FAHD2A: variants seen among roughly 807,000 people sequenced by gnomAD.
FAHD2A encodes oxaloacetate tautomerase FAHD2A, mitochondrial.
Under a neutral mutation model 33.4 loss-of-function variants are expected in FAHD2A, and 27 were observed. That is an observed-to-expected ratio of 0.81 (90% confidence interval 0.60 to 1.11). The LOEUF (loss-of-function observed/expected upper bound fraction) is 1.11. FAHD2A is among the 50% of genes most tolerant of loss of function. The probability of loss-of-function intolerance (pLI) is 0.00; values close to 1 mark genes in which losing one functional copy is unlikely to be tolerated. For missense variants in FAHD2A, 296 were observed against 395.0 expected, an observed-to-expected ratio of 0.75 and a Z score of 2.12; for synonymous variants, 130 against 153.3, an observed-to-expected ratio of 0.85 and a Z score of 1.12.
At chr2:95,404,287 C>A (rs924574530) in intron 1 of FAHD2A, among the ~76,000 whole-genome samples, 9 of 152,002 alleles carry the variant, frequency 5.9e-5, no homozygotes, top group Admixed American at 3.3e-4. Context: ...GGATCTGAGC[C>A]CTGAGGATTT....
downstream of FAHD2A, among the ~76,000 whole-genome samples, chr2:95,418,226 A>T (rs554985042): frequency 6.6e-6 from 1 of 151,906 alleles, no homozygotes; most frequent in African/African-American, 2.4e-5. Flanking sequence ...AAATGGATAG[A>T]TGGTAGTATG....
intron 1 of FAHD2A, among the ~76,000 whole-genome samples, chr2:95,404,537 C>T (rs1191135807): frequency 3.9e-5 from 6 of 152,116 alleles, no homozygotes; most frequent in Non-Finnish European, 1.5e-5. Flanking sequence ...TCAAGTGATC[C>T]ACCCACCTCG....
chr2:95,405,065 G>A (rs1681312039), intron 1 of FAHD2A, among the ~76,000 whole-genome samples: 3 of 152,164 alleles, frequency 2.0e-5, no homozygotes, highest in Admixed American at 1.3e-4. Context: ...GCCCATGCTG[G>A]GCTGCCACCC....
In FAHD2A at chr2:95,413,123, A is replaced by G; in HGVS notation, c.*166A>G. On this transcript the variant is annotated 3_prime_UTR_variant, in exon 8 of 8. Coordinates refer to ENST00000233379, the MANE Select transcript of FAHD2A (RefSeq NM_016044.3). Reference sequence around the variant, plus strand: ...CTCTCTTCAATAAATTCGTCAGGTCAAAGCAGCAGCTTTGCTTCTGCTGTT... The same window carrying G: ...CTCTCTTCAATAAATTCGTCAGGTCGAAGCAGCAGCTTTGCTTCTGCTGTT... The G allele has an allele frequency of 8.4e-7, 1 of 1,194,514 alleles. No individual in the cohort carries two copies. The highest frequency in any genetic ancestry group is 1.5e-5 in the African/African-American group (1 of 64,920). 74.0% of individuals were successfully genotyped at this position (1,194,514 alleles called of 1,614,324 possible).
At position 95,414,602 on chromosome 2, in the gene FAHD2A, C is replaced by T; in HGVS notation, c.*1645C>T. 4.1e-6 allele frequency: 1 copy of T among 245,930 alleles called. No homozygotes were observed. The allele number at this position is 245,930 out of a possible 1,614,324, so 15.2% of individuals were successfully genotyped here. Reference sequence around the variant, plus strand: ...TGCTCCAGAATTCTACTTGGTGCCCCCCAACCCCACTCGACTCATTGTCCA... The same window carrying T: ...TGCTCCAGAATTCTACTTGGTGCCCTCCAACCCCACTCGACTCATTGTCCA... On this transcript the variant is annotated 3_prime_UTR_variant, in exon 8 of 8. Coordinates refer to ENST00000233379, the MANE Select transcript of FAHD2A (RefSeq NM_016044.3).
chr2:95,412,278 A>G (rs1181516936), intron 5 of FAHD2A, among the ~76,000 whole-genome samples, 156 bp from the exon 6 acceptor site: 1 of 152,034 alleles, frequency 6.6e-6, no homozygotes, highest in Non-Finnish European at 1.5e-5. Flanking sequence ...CAATGTCTAT[A>G]CAGAAAGTTC....
In FAHD2A at chr2:95,413,961, C is replaced by T. The variant is rs1405480593; in HGVS notation, c.*1004C>T. ...GATGGTGACACTGGCTCCTCTCACC[C>T]CTAGGTCTCTGAAGGTCCAGATAGC... On this transcript the variant is annotated 3_prime_UTR_variant, in exon 8 of 8. Coordinates refer to ENST00000233379, the MANE Select transcript of FAHD2A (RefSeq NM_016044.3). 7.4e-7 allele frequency: 1 copy of T among 1,354,850 alleles called. No individual in the cohort carries two copies. The highest frequency in any genetic ancestry group is 1.4e-5 in the African/African-American group (1 of 69,658). The allele number at this position is 1,354,850 out of a possible 1,614,324, so 83.9% of individuals were successfully genotyped here. A position where few individuals can be genotyped will look rare whatever the true frequency, so the allele number is the denominator to read the frequency against.
In FAHD2A at chr2:95,415,644, T is replaced by A. The variant is rs1039841192; in HGVS notation, c.*2687T>A. 2.0e-5 allele frequency: 3 copies of A among 152,724 alleles called. No homozygotes were observed. The highest frequency in any genetic ancestry group is 3.9e-4 in the East Asian group (2 of 5,178). 9.5% of individuals were successfully genotyped at this position (152,724 alleles called of 1,614,324 possible). On this transcript the variant is annotated 3_prime_UTR_variant, in exon 8 of 8. Coordinates refer to ENST00000233379, the MANE Select transcript of FAHD2A (RefSeq NM_016044.3). ...CTCGCCAGCCGTGCAGTCCTCACTCTCTTGCCCAGGTAAGCTGGGGAAGAG... is the reference window on the plus strand; with the variant it reads ...CTCGCCAGCCGTGCAGTCCTCACTCACTTGCCCAGGTAAGCTGGGGAAGAG...
Position 95,413,975 on chromosome 2 carries a change from G to C in FAHD2A, c.*1018G>C. ...CTCCTCTCACCCCTAGGTCTCTGAA[G>C]GTCCAGATAGCACTGATGGCAAGCT... On this transcript the variant is annotated 3_prime_UTR_variant, in exon 8 of 8. Coordinates refer to ENST00000233379, the MANE Select transcript of FAHD2A (RefSeq NM_016044.3). 3 of 1,394,296 alleles carry C rather than the reference G, an allele frequency of 2.2e-6. No individual in the cohort carries two copies. Among genetic ancestry groups the C allele is most frequent in the Non-Finnish European group, 3.1e-6 (3 of 981,052 alleles). 86.4% of individuals were successfully genotyped at this position (1,394,296 alleles called of 1,614,324 possible).
Position 95,413,475 on chromosome 2 carries a change from G to T in FAHD2A, c.*518G>T. On this transcript the variant is annotated 3_prime_UTR_variant, in exon 8 of 8. Coordinates refer to ENST00000233379, the MANE Select transcript of FAHD2A (RefSeq NM_016044.3). ...TCTAGCTACAAGTGAACTGCCGGATGAACTGTTCTAGTTTTTCCTGATTGT... is the reference window on the plus strand; with the variant it reads ...TCTAGCTACAAGTGAACTGCCGGATTAACTGTTCTAGTTTTTCCTGATTGT... The T allele has an allele frequency of 6.2e-7, 1 of 1,610,444 alleles. No individual in the cohort carries two copies. The highest frequency in any genetic ancestry group is 8.5e-7 in the Non-Finnish European group (1 of 1,179,350).
chr2:95,418,345 GCCC>G (rs957733300), downstream of FAHD2A, among the ~76,000 whole-genome samples: 3 of 151,914 alleles, frequency 2.0e-5, no homozygotes, highest in Non-Finnish European at 2.9e-5. Flanking sequence ...GGCAATACTT[GCCC>G]TGAGCTCAGG....
intron 1 of FAHD2A, 81 bp from the exon 2 acceptor site, chr2:95,405,472 G>A: frequency 6.5e-7 from 1 of 1,537,740 alleles, no homozygotes; most frequent in Non-Finnish European, 8.8e-7. Flanking sequence ...AGGGCCTCGG[G>A]CTATAGCCCT....
chr2:95,405,701 A>C lies in FAHD2A; in HGVS notation c.143A>C (p.Asn48Thr), dbSNP rs374463832. ...CCTCACTTGGGCCTGGAGACAGGGA[A>C]TGGTGGAGGGGTTATCAACCTCAAT... ...VGPHLGLETG[N>T]GGGVINLNAF... Residue 48 changes from asparagine to threonine, a missense_variant, in exon 2 of 8, where the codon AAT becomes ACT. Transcript: ENST00000233379. 7 of 1,613,988 alleles carry C rather than the reference A, an allele frequency of 4.3e-6. No individual in the cohort carries two copies. Among genetic ancestry groups the C allele is most frequent in the Non-Finnish European group, 5.9e-6 (7 of 1,180,014 alleles).
chr2:95,404,276 A>T (rs1250336331), intron 1 of FAHD2A, among the ~76,000 whole-genome samples: 7 of 152,038 alleles, frequency 4.6e-5, no homozygotes, highest in African/African-American at 1.7e-4. Flanking sequence ...GACTCAAAAC[A>T]GGATCTGAGC....
At chr2:95,412,378 T>C (rs554170285) in intron 5 of FAHD2A, 56 bp from the exon 6 acceptor site, 44 of 1,605,374 alleles carry the variant, frequency 2.7e-5, no homozygotes, top group Non-Finnish European at 3.5e-5. Flanking sequence ...TTGTAAAATA[T>C]TGGGGGGTTT....
chr2:95,419,922 G>T (rs959466558), downstream of FAHD2A, among the ~76,000 whole-genome samples: 2 of 151,928 alleles, frequency 1.3e-5, no homozygotes, highest in African/African-American at 2.4e-5. Context: ...CCCAAGATCT[G>T]CCATCTGCAA....
At chr2:95,403,531 C>T (rs1231764667) in intron 1 of FAHD2A, among the ~76,000 whole-genome samples, 2 of 152,184 alleles carry the variant, frequency 1.3e-5, no homozygotes, top group South Asian at 2.1e-4. Context: ...TCACTACAAT[C>T]TTTAGAGACT....
chr2:95,418,628 G>A (rs1683272477), downstream of FAHD2A, among the ~76,000 whole-genome samples: 1 of 151,952 alleles, frequency 6.6e-6, no homozygotes, highest in African/African-American at 2.4e-5. Flanking sequence ...GAGGGAAAAG[G>A]CATTCATGAC....
At position 95,410,852 on chromosome 2, in the gene FAHD2A, C is replaced by G. The variant is rs760048250; in HGVS notation, c.523-12C>G. 4.3e-6 allele frequency: 7 copies of G among 1,613,806 alleles called. No homozygotes were observed. In the East Asian group the frequency reaches 1.1e-4, roughly 26 times the overall value. Reference sequence around the variant, plus strand: ...CTAACCTCCTGTATGGCCAAATCCCCTGCCCCCATAGGCCACAGATGCTAT... The same window carrying G: ...CTAACCTCCTGTATGGCCAAATCCCGTGCCCCCATAGGCCACAGATGCTAT... On this transcript the variant is annotated splice_polypyrimidine_tract_variant and intron_variant, in intron 4 of 7. Transcript: ENST00000233379.
Sources: gnomAD v4.1 joint callset for allele counts (sites outside exome capture counted in the v4.1 genomes callset) on GRCh38, gnomAD v4.1.1 for gene constraint, MANE v1.5 for transcripts, NCBI Gene and HGNC (gene_info 2026-07-23, HGNC 2026-07-21) for gene names.